ISY1: variants seen among roughly 807,000 people sequenced by gnomAD.
ISY1 encodes the protein pre-mRNA-splicing factor ISY1 homolog.
ISY1 carries 12 observed loss-of-function variants against 54.4 expected under a neutral mutation model. The observed-to-expected ratio is 0.22, with a 90% CI of 0.14 to 0.36. ISY1 has a LOEUF of 0.36. ISY1 is among the 10% of genes least tolerant of loss of function. The pLI is 1.00. For synonymous variants in ISY1, 96 were observed against 117.9 expected, an observed-to-expected ratio of 0.81 and a Z score of 1.20; for missense variants, 282 against 342.2, an observed-to-expected ratio of 0.82 and a Z score of 1.39.
intron 5 of ISY1, among the ~76,000 whole-genome samples, chr3:129,150,600 C>T (rs1043511398): frequency 2.0e-4 from 31 of 152,218 alleles, no homozygotes; most frequent in African/African-American, 7.2e-4. Flanking sequence ...GTAGTCCCAG[C>T]TACTCGGGAG....
intron 2 of ISY1, 61 bp downstream of exon 2, chr3:129,159,093 G>A: frequency 6.3e-7 from 1 of 1,582,082 alleles, no homozygotes; most frequent in Non-Finnish European, 8.6e-7. Flanking sequence ...AATACACAAA[G>A]AGTTACATGG....
At chr3:129,150,048 T>C (rs1404814057) in intron 5 of ISY1, among the ~76,000 whole-genome samples, 1 of 152,012 alleles carries the variant, frequency 6.6e-6, no homozygotes, top group Admixed American at 6.6e-5. Context: ...TAATTCTGTT[T>C]CTTTGGTCTA....
intron 6 of ISY1, among the ~76,000 whole-genome samples, chr3:129,141,193 TTAAATAAA>T (rs113443810): frequency 1.3e-3 from 187 of 139,694 alleles, no homozygotes; most frequent in East Asian, 5.5e-3. Context: ...CTGGAGTAAA[TTAAATAAA>T]TAAATAAATA....
At chr3:129,150,900 A>C (rs560787985) in intron 5 of ISY1, among the ~76,000 whole-genome samples, 1 of 151,544 alleles carries the variant, frequency 6.6e-6, no homozygotes, top group Non-Finnish European at 1.5e-5. Context: ...AAGCAGGCAG[A>C]TATCACTTGA....
chr3:129,146,926 G>A (rs1212812724), intron 5 of ISY1, among the ~76,000 whole-genome samples: 1 of 152,094 alleles, frequency 6.6e-6, no homozygotes, highest in Non-Finnish European at 1.5e-5. Flanking sequence ...GGGTGTGGTG[G>A]CACATGCCTG....
At chr3:129,146,678 A>C (rs927395888) in intron 5 of ISY1, among the ~76,000 whole-genome samples, 3 of 152,150 alleles carry the variant, frequency 2.0e-5, no homozygotes, top group Non-Finnish European at 2.9e-5. Flanking sequence ...CGGGTATAAA[A>C]ATCTGCTGCA....
At chr3:129,151,485 C>T (rs193112745) in intron 5 of ISY1, among the ~76,000 whole-genome samples, 386 of 151,484 alleles carry the variant, frequency 2.5e-3, no homozygotes, top group African/African-American at 9.0e-3. Context: ...AAAAATTGGC[C>T]GGGCATGGTG....
chr3:129,132,136 T>C (rs1560012792), intron 9 of ISY1, among the ~76,000 whole-genome samples: 1 of 152,064 alleles, frequency 6.6e-6, no homozygotes, highest in Admixed American at 6.6e-5. Context: ...GCCAGTTCTG[T>C]ATCTGGATTG....
chr3:129,127,655 T>A lies in ISY1; in HGVS notation c.*2426A>T, dbSNP rs1230501106. 3 of 152,422 alleles carry A rather than the reference T, an allele frequency of 2.0e-5. No individual in the cohort carries two copies. In the East Asian group the frequency reaches 5.8e-4, roughly 29 times the overall value. The allele number at this position is 152,422 out of a possible 1,614,324, so 9.4% of individuals were successfully genotyped here. On this transcript the variant is annotated 3_prime_UTR_variant, in exon 11 of 11. Coordinates refer to ENST00000393295, the MANE Select transcript of ISY1 (RefSeq NM_020701.4). ...GCCTCTGCCAGGAACACCTAGAGGATGTCCAGCTGGGTGCTTCTCCACTCT... is the reference window on the plus strand; with the variant it reads ...GCCTCTGCCAGGAACACCTAGAGGAAGTCCAGCTGGGTGCTTCTCCACTCT...
At chr3:129,137,300 A>G (rs1200581117) in intron 7 of ISY1, 2 of 757,376 alleles carry the variant, frequency 2.6e-6, no homozygotes, top group African/African-American at 3.8e-5. Context: ...GTGTAGAGGT[A>G]AGAGGACTTT....
At chr3:129,149,648 A>AG (rs1936892539) in intron 5 of ISY1, among the ~76,000 whole-genome samples, 1 of 136,566 alleles carries the variant, frequency 7.3e-6, no homozygotes, top group Non-Finnish European at 1.6e-5. Flanking sequence ...CACAAAAAAA[A>AG]TCAGCTATGC....
At chr3:129,136,814 C>T (rs553464103) in intron 7 of ISY1, among the ~76,000 whole-genome samples, 7 of 151,504 alleles carry the variant, frequency 4.6e-5, no homozygotes, top group South Asian at 2.1e-4. Context: ...CTTAGTCTCC[C>T]GAGTAGCTGG....
intron 6 of ISY1, among the ~76,000 whole-genome samples, chr3:129,142,984 G>C (rs147988333): frequency 0.075 from 11,448 of 152,222 alleles, 1,432 homozygotes; most frequent in African/African-American, 0.26. Flanking sequence ...GAACCCAGGA[G>C]GGGGAGGTTG....
chr3:129,130,524 C>T, intron 10 of ISY1, 26 bp downstream of exon 10: 4 of 1,611,240 alleles, frequency 2.5e-6, no homozygotes, highest in Non-Finnish European at 3.4e-6. Context: ...CCCCGGCGCC[C>T]AGGCAGCTCT....
At chr3:129,135,714 G>T (rs952897053) in intron 7 of ISY1, among the ~76,000 whole-genome samples, 2 of 149,326 alleles carry the variant, frequency 1.3e-5, no homozygotes, top group Non-Finnish European at 1.5e-5. Context: ...TGCAGTGAGC[G>T]AAGACTGCAC....
chr3:129,145,032 T>C (rs1936727830), intron 6 of ISY1, among the ~76,000 whole-genome samples: 1 of 152,108 alleles, frequency 6.6e-6, no homozygotes, highest in Non-Finnish European at 1.5e-5. Flanking sequence ...CACCTCATCC[T>C]TCTGAGCAGC....
At chr3:129,135,064 A>G (rs1182739148) in intron 7 of ISY1, 110 bp from the exon 8 acceptor site, 1 of 1,387,562 alleles carries the variant, frequency 7.2e-7, no homozygotes. Flanking sequence ...TCATGAAAAT[A>G]CCAGGTGGGC....
At chr3:129,132,204 C>T (rs1936255941) in intron 9 of ISY1, among the ~76,000 whole-genome samples, 2 of 152,266 alleles carry the variant, frequency 1.3e-5, no homozygotes, top group African/African-American at 4.8e-5. Context: ...ACTCCACACA[C>T]TCAATATGCC....
intron 8 of ISY1, 92 bp downstream of exon 8, chr3:129,134,740 C>G (rs2107601554): frequency 6.9e-7 from 1 of 1,453,474 alleles, no homozygotes; most frequent in East Asian, 2.7e-5. Flanking sequence ...AAACTCCCTT[C>G]TGGCATAAAG....
Sources: gnomAD v4.1 joint callset for allele counts (sites outside exome capture counted in the v4.1 genomes callset) on GRCh38, gnomAD v4.1.1 for gene constraint, MANE v1.5 for transcripts, NCBI Gene and HGNC (gene_info 2026-07-23, HGNC 2026-07-21) for gene names.